Variants in NECAP2 observed in about 807,000 individuals in gnomAD.
The protein encoded by NECAP2 is adaptin ear-binding coat-associated protein 2.
In NECAP2, 38 loss-of-function variants were observed where a neutral mutation model predicts 37.8. The ratio of observed to expected loss-of-function variants is 1.01; its 90% CI spans 0.78 to 1.32. The LOEUF is 1.32. Ranked by LOEUF, NECAP2 falls within the 40% of genes most tolerant of loss-of-function variation. The probability of loss-of-function intolerance (pLI) is 0.00; values close to 1 mark genes in which losing one functional copy is unlikely to be tolerated. For missense variants in NECAP2, 316 were observed against 334.5 expected, an observed-to-expected ratio of 0.94 and a Z score of 0.43; for synonymous variants, 121 against 127.7, an observed-to-expected ratio of 0.95 and a Z score of 0.35.
At chr1:16,455,797 C>G (rs747071619) in intron 6 of NECAP2, 21 bp from the exon 7 acceptor site, 1 of 1,604,184 alleles carries the variant, frequency 6.2e-7, no homozygotes, top group Admixed American at 1.7e-5. Context: ...TCCTACGGGT[C>G]GGACTCGGGA....
Sources: gnomAD v4.1 joint callset for allele counts on GRCh38, gnomAD v4.1.1 for gene constraint, MANE v1.5 for transcripts, NCBI Gene and HGNC (gene_info 2026-07-23, HGNC 2026-07-21) for gene names.